The following TMEM117 variants were observed in gnomAD, a reference collection of about 807,000 sequenced individuals.
The protein encoded by TMEM117 is transmembrane protein 117.
In TMEM117, 27 loss-of-function variants were observed where a neutral mutation model predicts 52.4. The observed-to-expected ratio is 0.51, with a 90% CI of 0.38 to 0.71. The LOEUF (loss-of-function observed/expected upper bound fraction) is 0.71, where lower values mean the gene tolerates loss of function less well. Ranked by LOEUF, TMEM117 falls within the 30% of genes least tolerant of loss-of-function variation. The pLI, the probability that TMEM117 is intolerant of heterozygous loss-of-function variation, is 0.00. For synonymous variants in TMEM117, 215 were observed against 206.3 expected (o/e 1.04, Z -0.36); for missense variants, 556 against 630.5 (o/e 0.88, Z 1.26).
intron 3 of TMEM117, among the ~76,000 whole-genome samples, chr12:43,948,530 CT>C (rs376847986): frequency 7.1e-4 from 108 of 152,224 alleles, no homozygotes; most frequent in Middle Eastern, 3.4e-3. Context: ...TGGTCTCGAT[CT>C]CCTGACCTCG....
intron 3 of TMEM117, among the ~76,000 whole-genome samples, chr12:44,076,601 C>G (rs1413188841): frequency 1.3e-5 from 2 of 152,166 alleles, no homozygotes; most frequent in Admixed American, 1.3e-4. Context: ...ACATTTATAC[C>G]ATAGATTTAA....
Position 44,376,656 on chromosome 12 carries a change from C to T in TMEM117, c.830C>T (p.Pro277Leu). 3 of 1,612,530 alleles carry T rather than the reference C, an allele frequency of 1.9e-6. No homozygotes were observed. The highest frequency in any genetic ancestry group is 2.5e-6 in the Non-Finnish European group (3 of 1,179,342). Residue 277 changes from proline (P) to leucine (L), a missense_variant, in exon 7 of 8, where the codon CCT becomes CTT. Coordinates refer to ENST00000266534, the MANE Select transcript of TMEM117 (RefSeq NM_032256.3). The stretch of plus-strand genomic sequence containing the variant: ...GTAAATCTCCCTGGTTTGCACACCC[C>T]TCACATGCAGTTCAAGATTCCTTTC... ...VDVNLPGLHTPHMQFKIPFFQ... is the reference protein window; with the variant it reads ...VDVNLPGLHTLHMQFKIPFFQ...
At chr12:44,222,821 TC>T (rs1245180280) in intron 5 of TMEM117, among the ~76,000 whole-genome samples, 2 of 152,054 alleles carry the variant, frequency 1.3e-5, no homozygotes, top group Admixed American at 6.6e-5. Context: ...CAAAACAGAA[TC>T]CCCATTACAT....
intron 6 of TMEM117, among the ~76,000 whole-genome samples, chr12:44,324,600 C>T (rs1951173143): frequency 6.6e-6 from 1 of 151,954 alleles, no homozygotes; most frequent in African/African-American, 2.4e-5. Context: ...AAAAAGGAAA[C>T]AAAAATGACC....
rs200126002 is a variant in TMEM117 at position 44,202,952 on chromosome 12, AT to A, written c.511-8331del. ...TGCAGGTGTGTACCACCACGCCTGG[AT>A]TTTTTTCTTTTTCATATTTTTAGTA... On this transcript the variant is annotated intron_variant, in intron 4 of 7. Coordinates refer to ENST00000266534, the MANE Select transcript of TMEM117 (RefSeq NM_032256.3). Among the ~76,000 whole-genome samples, 52 of 151,628 alleles carry A rather than the reference AT, an allele frequency of 3.4e-4. No homozygotes were observed. In the East Asian group the frequency reaches 8.8e-3, roughly 26 times the overall value.
chr12:44,041,362 T>C (rs1039848512), intron 3 of TMEM117, among the ~76,000 whole-genome samples: 2 of 151,380 alleles, frequency 1.3e-5, no homozygotes, highest in African/African-American at 4.8e-5. Flanking sequence ...GCAGATCAGC[T>C]ATAAAGCAAT....
chr12:43,933,841 G>A (rs562222360), intron 2 of TMEM117, among the ~76,000 whole-genome samples: 37 of 152,318 alleles, frequency 2.4e-4, no homozygotes, highest in African/African-American at 7.7e-4. Flanking sequence ...GATTGCAGGC[G>A]TGAGCCACCA....
intron 4 of TMEM117, among the ~76,000 whole-genome samples, chr12:44,165,792 C>T (rs1326831162): frequency 6.6e-6 from 1 of 152,124 alleles, no homozygotes; most frequent in Non-Finnish European, 1.5e-5. Flanking sequence ...CTTTAACACC[C>T]CACTCTCAGC....
At chr12:43,993,595 G>C (rs1262846260) in intron 3 of TMEM117, among the ~76,000 whole-genome samples, 1 of 151,982 alleles carries the variant, frequency 6.6e-6, no homozygotes, top group Non-Finnish European at 1.5e-5. Context: ...AAATGGGAGG[G>C]AGGTGAAAAA....
intron 3 of TMEM117, among the ~76,000 whole-genome samples, chr12:43,971,876 A>C (rs1177707398): frequency 6.6e-6 from 1 of 152,064 alleles, no homozygotes; most frequent in Non-Finnish European, 1.5e-5. Context: ...AATAACGAAA[A>C]CCTTATACTC....
At chr12:44,238,185 T>TAGAAA (rs1328097463) in intron 5 of TMEM117, among the ~76,000 whole-genome samples, 2 of 152,154 alleles carry the variant, frequency 1.3e-5, no homozygotes, top group African/African-American at 4.8e-5. Context: ...AACAAAACAT[T>TAGAAA]TATTAGAAAA....
At chr12:43,859,778 C>T (rs2137394087) in intron 2 of TMEM117, among the ~76,000 whole-genome samples, 1 of 152,270 alleles carries the variant, frequency 6.6e-6, no homozygotes, top group East Asian at 1.9e-4. Context: ...TTCTAAATAA[C>T]ATCATTTTAA....
intron 5 of TMEM117, among the ~76,000 whole-genome samples, chr12:44,283,789 G>A (rs901083441): frequency 7.2e-5 from 11 of 152,070 alleles, no homozygotes; most frequent in African/African-American, 2.7e-4. Flanking sequence ...AGGAGCCACG[G>A]GCGGAATGAT....
chr12:43,797,826 G>C, the TMEM117 span: 1 of 1,612,524 alleles, frequency 6.2e-7, no homozygotes, highest in East Asian at 2.2e-5. Flanking sequence ...ACCCACGTCA[G>C]TCTGTACCTA....
At chr12:43,797,878 T>C in the TMEM117 span, 1 of 1,577,720 alleles carries the variant, frequency 6.3e-7, no homozygotes. Context: ...GTTAGCAGTA[T>C]CCTATGGCAA....
chr12:43,805,410 C>A, the TMEM117 span: 14 of 378,584 alleles, frequency 3.7e-5, no homozygotes, highest in East Asian at 9.5e-4. Context: ...ATTAAGTGTT[C>A]ATCTGGGAGA....
chr12:44,208,230 A>C (rs1725691926), intron 4 of TMEM117, among the ~76,000 whole-genome samples: 1 of 152,132 alleles, frequency 6.6e-6, no homozygotes, highest in South Asian at 2.1e-4. Context: ...ATTCTAAAAT[A>C]AGTTATATTC....
chr12:43,866,133 G>C (rs1315596773), intron 2 of TMEM117, among the ~76,000 whole-genome samples: 2 of 151,886 alleles, frequency 1.3e-5, no homozygotes, highest in African/African-American at 2.4e-5. Flanking sequence ...TGAAATAAAA[G>C]ATAAAGAGAA....
intron 3 of TMEM117, among the ~76,000 whole-genome samples, chr12:43,999,225 A>T (rs145262353): frequency 6.6e-6 from 1 of 152,174 alleles, no homozygotes; most frequent in African/African-American, 2.4e-5. Context: ...AATTACAAGG[A>T]TGTTCACTTA....
Sources: allele counts gnomAD v4.1 joint callset (sites outside exome capture counted in the v4.1 genomes callset), GRCh38; gene constraint gnomAD v4.1.1; transcripts MANE v1.5; gene names NCBI Gene and HGNC (gene_info 2026-07-23, HGNC 2026-07-21).